The following CCDC85C variants were observed in gnomAD, a reference collection of about 807,000 sequenced individuals.
CCDC85C encodes coiled-coil domain containing 85C, also known as coiled-coil domain-containing protein 85C.
CCDC85C carries 18 observed loss-of-function variants against 38.3 expected under a neutral mutation model. The observed-to-expected ratio is 0.47, with a 90% CI of 0.33 to 0.70. CCDC85C has a LOEUF of 0.70. CCDC85C is among the 30% of genes least tolerant of loss of function. The pLI, the probability that CCDC85C is intolerant of heterozygous loss-of-function variation, is 0.03. For synonymous variants in CCDC85C, 264 were observed against 293.8 expected (o/e 0.90, Z 1.04); for missense variants, 566 against 621.2 (o/e 0.91, Z 0.94).
chr14:99,537,811 C>CCACCCAAGCAAAGCGGTGTGATG (rs1407607271), intron 1 of CCDC85C, among the ~76,000 whole-genome samples: 28 of 152,206 alleles, frequency 1.8e-4, no homozygotes, highest in African/African-American at 6.5e-4. Flanking sequence ...GTTCCCATGC[C>CCACCCAAGCAAAGCGGTGTGATG]CACCCAAGCA....
intron 1 of CCDC85C, among the ~76,000 whole-genome samples, chr14:99,536,712 C>T (rs1442259658): frequency 6.6e-6 from 1 of 152,226 alleles, no homozygotes; most frequent in Non-Finnish European, 1.5e-5. Flanking sequence ...CCCCGTGGAA[C>T]ACCCTGGTCA....
chr14:99,600,285 G>A (rs1038206869), intron 1 of CCDC85C, among the ~76,000 whole-genome samples: 2 of 152,202 alleles, frequency 1.3e-5, no homozygotes, highest in African/African-American at 4.8e-5. Flanking sequence ...GGCACTCTGG[G>A]TTCTGTCCAT....
intron 1 of CCDC85C, among the ~76,000 whole-genome samples, chr14:99,594,131 C>G (rs2055118792): frequency 6.6e-6 from 1 of 152,092 alleles, no homozygotes; most frequent in Non-Finnish European, 1.5e-5. Context: ...GGCACCTGGT[C>G]AGTCCTTCCG....
At position 99,510,295 on chromosome 14, in the gene CCDC85C, G is replaced by A. The variant is rs779295552; in HGVS notation, c.*4951C>T. The A allele has an allele frequency of 5.2e-5, 40 of 766,052 alleles. No homozygotes were observed. In the East Asian group the frequency reaches 1.2e-3, roughly 23 times the overall value. 47.5% of individuals were successfully genotyped at this position (766,052 alleles called of 1,614,324 possible). A position where few individuals can be genotyped will look rare whatever the true frequency, so the allele number is the denominator to read the frequency against. ...CACCAGCCACCGCCGCTGCCACACC[G>A]GCCCCCGCCCCCACCCCCCTCCAGC... On this transcript the variant is annotated 3_prime_UTR_variant, in exon 6 of 6. Transcript: ENST00000380243.
chr14:99,563,517 G>A (rs936591010), intron 1 of CCDC85C, among the ~76,000 whole-genome samples: 1 of 152,256 alleles, frequency 6.6e-6, no homozygotes, highest in Admixed American at 6.5e-5. Flanking sequence ...GGAATAACTC[G>A]GGCAGGTACA....
chr14:99,590,981 C>T (rs992521034), intron 1 of CCDC85C, among the ~76,000 whole-genome samples: 2 of 152,138 alleles, frequency 1.3e-5, no homozygotes, highest in Non-Finnish European at 1.5e-5. Context: ...CTGGACACGG[C>T]GGCTCATTTA....
At position 99,520,095 on chromosome 14, in the gene CCDC85C, G is replaced by C. The variant is rs117622103; in HGVS notation, c.975+2038C>G. The stretch of plus-strand genomic sequence containing the variant: ...GGAGGGTATGGGCAGCAGTGGGCAG[G>C]GAGGGGGTGTCCACCCCAGAGAGTC... On this transcript the variant is annotated intron_variant, in intron 3 of 5. Transcript: ENST00000380243. This position sits in a 1 kb window ranked among gnomAD's most constrained non-coding sequence, Gnocchi z 4.1. 0.019 allele frequency among the ~76,000 whole-genome samples: 2,955 copies of C among 152,278 alleles called. 51 individuals carry two copies. Among genetic ancestry groups the C allele is most frequent in the Middle Eastern group, 0.034 (10 of 294 alleles).
At chr14:99,521,446 G>A (rs543191084) in intron 3 of CCDC85C, among the ~76,000 whole-genome samples, 5 of 152,200 alleles carry the variant, frequency 3.3e-5, no homozygotes, top group Non-Finnish European at 5.9e-5. Context: ...AAGGGGCACA[G>A]CTGCTACAAG....
At chr14:99,570,837 A>G (rs1898322908) in intron 1 of CCDC85C, among the ~76,000 whole-genome samples, 1 of 144,506 alleles carries the variant, frequency 6.9e-6, no homozygotes, top group Admixed American at 7.0e-5. Flanking sequence ...GGAGAAGGGC[A>G]GAGCCGCCCC....
At chr14:99,557,680 C>G (rs983433205) in intron 1 of CCDC85C, among the ~76,000 whole-genome samples, 2 of 152,152 alleles carry the variant, frequency 1.3e-5, no homozygotes, top group African/African-American at 4.8e-5. Flanking sequence ...TTTGGGAGGC[C>G]GAGGTGGGTG....
At chr14:99,540,534 A>G (rs1003003844) in intron 1 of CCDC85C, among the ~76,000 whole-genome samples, 11 of 152,180 alleles carry the variant, frequency 7.2e-5, no homozygotes, top group Non-Finnish European at 2.9e-5. Flanking sequence ...GGTTTACAGT[A>G]ATGAGTGCTG....
At position 99,502,973 on chromosome 14, in the gene CCDC85C, A is replaced by C. The variant is rs200503921; in HGVS notation, c.*12273T>G. The C allele has an allele frequency of 2.1e-4, 337 of 1,613,976 alleles. No homozygotes were observed. The highest frequency in any genetic ancestry group is 2.5e-4 in the Non-Finnish European group (296 of 1,179,888). ...GCAGCCCAGTTCTCCCCGACAGGTT[A>C]AGCGAGCCGTGGTGAGTGGGCTAAA... On this transcript the variant is annotated 3_prime_UTR_variant, in exon 6 of 6. Transcript: ENST00000380243.
intron 1 of CCDC85C, among the ~76,000 whole-genome samples, chr14:99,556,910 G>GA (rs34139658): frequency 0.51 from 74,670 of 145,686 alleles, 18,586 homozygotes; most frequent in South Asian, 0.58. Context: ...AAATACTTCA[G>GA]AAAAAAAAAA....
chr14:99,517,222 G>A (rs536777110), intron 3 of CCDC85C, 39 bp from the exon 4 acceptor site: 393 of 1,457,988 alleles, frequency 2.7e-4, no homozygotes, highest in Non-Finnish European at 3.4e-4. Flanking sequence ...CACCCTGGCT[G>A]GCTCCCACAG....
At position 99,509,946 on chromosome 14, in the gene CCDC85C, G is replaced by A. The variant is rs1016711391; in HGVS notation, c.*5300C>T. ...GCTGAGGGAGGGAAAACCCCAGGTC[G>A]TCGCAGACAGGGTGGAGGGCCTTCT... On this transcript the variant is annotated 3_prime_UTR_variant, in exon 6 of 6. Coordinates refer to ENST00000380243, the MANE Select transcript of CCDC85C (RefSeq NM_001144995.2). 32 of 601,048 alleles carry A rather than the reference G, an allele frequency of 5.3e-5. No homozygotes were observed. The highest frequency in any genetic ancestry group is 1.2e-4 in the South Asian group (6 of 49,952). The allele number at this position is 601,048 out of a possible 1,614,324, so 37.2% of individuals were successfully genotyped here. A position where few individuals can be genotyped will look rare whatever the true frequency, so the allele number is the denominator to read the frequency against.
At chr14:99,536,675 C>A (rs151241002) in intron 1 of CCDC85C, among the ~76,000 whole-genome samples, 5 of 152,336 alleles carry the variant, frequency 3.3e-5, no homozygotes, top group Non-Finnish European at 7.3e-5. Context: ...AGGTGAGCAG[C>A]CACCTTCCCC....
chr14:99,599,866 C>A (rs190753917), intron 1 of CCDC85C, among the ~76,000 whole-genome samples: 2 of 152,256 alleles, frequency 1.3e-5, no homozygotes, highest in East Asian at 3.9e-4. Flanking sequence ...CCAGAGAGAC[C>A]CTGTCTCTAA....
In CCDC85C at chr14:99,510,036, A is replaced by G. The variant is rs1002517442; in HGVS notation, c.*5210T>C. On this transcript the variant is annotated 3_prime_UTR_variant, in exon 6 of 6. Coordinates refer to ENST00000380243, the MANE Select transcript of CCDC85C (RefSeq NM_001144995.2). ...GGGGCATGGGCCCATGCGTTGGGCC[A>G]CAGAGGAGGCGGGCAGCTGCTCCCT... 7 of 990,974 alleles carry G rather than the reference A, an allele frequency of 7.1e-6. No homozygotes were observed. The African/African-American group carries it at 1.1e-4, about 16-fold the overall frequency. 61.4% of individuals were successfully genotyped at this position (990,974 alleles called of 1,614,324 possible).
At chr14:99,539,578 A>G (rs2139923431) in intron 1 of CCDC85C, among the ~76,000 whole-genome samples, 1 of 152,316 alleles carries the variant, frequency 6.6e-6, no homozygotes, top group South Asian at 2.1e-4. Flanking sequence ...CTACCCTGTC[A>G]TCATTAAAAT....
Sources: gnomAD v4.1 joint callset for allele counts (sites outside exome capture counted in the v4.1 genomes callset) on GRCh38, gnomAD v4.1.1 for gene constraint, Gnocchi (gnomAD v3.1) non-coding constraint, MANE v1.5 for transcripts, NCBI Gene and HGNC (gene_info 2026-07-23, HGNC 2026-07-21) for gene names.